AGMO: variants seen among roughly 807,000 people sequenced by gnomAD.
The protein encoded by AGMO is alkylglycerol monooxygenase.
AGMO carries 75 observed loss-of-function variants against 60.2 expected under a neutral mutation model. The ratio of observed to expected loss-of-function variants is 1.25; its 90% CI spans 1.03 to 1.51. The LOEUF (loss-of-function observed/expected upper bound fraction) is 1.51, where lower values mean the gene tolerates loss of function less well. AGMO is among the 40% of genes most tolerant of loss of function. The pLI, the probability that AGMO is intolerant of heterozygous loss-of-function variation, is 0.00. For missense variants in AGMO, 763 were observed against 525.5 expected (o/e 1.45, Z -4.42); for synonymous variants, 261 against 177.1 (o/e 1.47, Z -3.76).
At chr7:15,315,549 G>C (rs1780899134) in intron 12 of AGMO, among the ~76,000 whole-genome samples, 1 of 151,878 alleles carries the variant, frequency 6.6e-6, no homozygotes, top group African/African-American at 2.4e-5. Context: ...TGTTGGTCAG[G>C]ATGGTCTCGA....
intron 12 of AGMO, among the ~76,000 whole-genome samples, chr7:15,250,533 T>C (rs1380813872): frequency 7.0e-6 from 1 of 143,070 alleles, no homozygotes; most frequent in Non-Finnish European, 1.5e-5. Context: ...TAAATGGAAA[T>C]TGAAGTACAC....
chr7:15,308,773 G>A (rs972872699), intron 12 of AGMO, among the ~76,000 whole-genome samples: 1 of 151,982 alleles, frequency 6.6e-6, no homozygotes, highest in African/African-American at 2.4e-5. Flanking sequence ...AATTCTCAAA[G>A]GCCTTCACAT....
intron 4 of AGMO, among the ~76,000 whole-genome samples, chr7:15,430,630 T>TTA (rs1491405876): frequency 9.5e-6 from 1 of 104,778 alleles, no homozygotes; most frequent in East Asian, 2.5e-4. Flanking sequence ...TGGTTTTTTT[T>TTA]AAAAAAAAAA....
chr7:15,548,621 T>G (rs371887615), intron 2 of AGMO, among the ~76,000 whole-genome samples: 6,437 of 148,172 alleles, frequency 0.043, 198 homozygotes, highest in African/African-American at 0.093. Flanking sequence ...AGAGAAAAAA[T>G]AATAAAAAGA....
At chr7:15,560,301 T>A in intron 1 of AGMO, 30 bp from the exon 2 acceptor site, 1 of 1,594,294 alleles carries the variant, frequency 6.3e-7, no homozygotes, top group Non-Finnish European at 8.6e-7. Flanking sequence ...AAAGAGATGC[T>A]ATTATGTTCC....
At chr7:15,231,888 T>TA (rs1318175168) in intron 12 of AGMO, among the ~76,000 whole-genome samples, 1 of 152,074 alleles carries the variant, frequency 6.6e-6, no homozygotes, top group Non-Finnish European at 1.5e-5. Context: ...AATCTGACAA[T>TA]AAAAAATAAT....
chr7:15,505,499 T>C (rs970878087), intron 3 of AGMO, among the ~76,000 whole-genome samples: 5 of 152,048 alleles, frequency 3.3e-5, no homozygotes, highest in African/African-American at 1.2e-4. Flanking sequence ...GTTATTCCTA[T>C]ATCATTCTAA....
At chr7:15,354,359 T>TGTATACACACGC (rs1486435481) in intron 12 of AGMO, among the ~76,000 whole-genome samples, 3 of 59,506 alleles carry the variant, frequency 5.0e-5, no homozygotes, top group South Asian at 5.6e-4. Context: ...TATATAGACG[T>TGTATACACACGC]GTGTATATAG....
rs144754984 is a variant in AGMO, at chr7:15,560,195, C to T, written c.203G>A (p.Arg68His). 5.6e-5 allele frequency: 91 copies of T among 1,612,954 alleles called. No individual in the cohort carries two copies. Among genetic ancestry groups the T allele is most frequent in the Middle Eastern group, 3.3e-4 (2 of 6,078 alleles). ...SWILKGKPPG[R>H]LDDALTSISA... ...GATTGACGTTAAAGCATCATCCAGG[C>T]GACCTGGTGGCTTTCCTTTGAGAAT... The change falls in exon 2 of 13, where the codon CGC becomes CAC. Residue 68 changes from arginine (R) to histidine (H), a missense_variant. By Grantham distance (29) the Arg-to-His change is conservative. Coordinates refer to ENST00000342526, the MANE Select transcript of AGMO (RefSeq NM_001004320.2).
chr7:15,327,111 CCT>C (rs749763241), intron 12 of AGMO, among the ~76,000 whole-genome samples: 2 of 151,960 alleles, frequency 1.3e-5, no homozygotes, highest in Non-Finnish European at 2.9e-5. Flanking sequence ...AATGAGTGAC[CCT>C]CTGAGCTTAA....
chr7:15,451,538 A>G (rs1190415077), intron 3 of AGMO, among the ~76,000 whole-genome samples: 1 of 152,172 alleles, frequency 6.6e-6, no homozygotes, highest in African/African-American at 2.4e-5. Context: ...GTATTCTTAC[A>G]TGGTGGACGA....
At chr7:15,231,885 C>T (rs1250718238) in intron 12 of AGMO, among the ~76,000 whole-genome samples, 1 of 152,018 alleles carries the variant, frequency 6.6e-6, no homozygotes, top group Admixed American at 6.5e-5. Context: ...ACAAATCTGA[C>T]AATAAAAAAT....
intron 12 of AGMO, among the ~76,000 whole-genome samples, chr7:15,327,812 G>A (rs1781390772): frequency 6.9e-6 from 1 of 144,546 alleles, no homozygotes; most frequent in Admixed American, 7.2e-5. Flanking sequence ...CTAGAGGGCA[G>A]TGGCTATAGT....
intron 3 of AGMO, among the ~76,000 whole-genome samples, chr7:15,454,114 A>T (rs142226739): frequency 1.4e-3 from 215 of 151,380 alleles, no homozygotes; most frequent in African/African-American, 4.8e-3. Flanking sequence ...GCCACATACT[A>T]GGTATACATA....
chr7:15,348,148 A>G (rs1782102335), intron 12 of AGMO, among the ~76,000 whole-genome samples: 1 of 152,060 alleles, frequency 6.6e-6, no homozygotes, highest in South Asian at 2.1e-4. Context: ...CCCTATTGAC[A>G]TGTAATCCAA....
intron 3 of AGMO, among the ~76,000 whole-genome samples, chr7:15,477,197 T>A (rs1782618071): frequency 6.6e-6 from 1 of 151,972 alleles, no homozygotes; most frequent in Admixed American, 6.6e-5. Flanking sequence ...GAATTTTAAG[T>A]TAAAGGTATG....
chr7:15,383,622 A>G (rs1783784194), intron 10 of AGMO, among the ~76,000 whole-genome samples: 1 of 152,158 alleles, frequency 6.6e-6, no homozygotes, highest in South Asian at 2.1e-4. Context: ...GAAATTATTG[A>G]TAATCCTAGA....
rs1005052794 is a variant in AGMO at position 15,490,065 on chromosome 7, T to C, written c.409+54707A>G. 2.6e-5 allele frequency among the ~76,000 whole-genome samples: 4 copies of C among 152,316 alleles called. No individual in the cohort carries two copies. The South Asian group carries it at 6.2e-4, about 24-fold the overall frequency. On this transcript the variant is annotated intron_variant, in intron 3 of 12. Coordinates refer to ENST00000342526, the MANE Select transcript of AGMO (RefSeq NM_001004320.2). ...TTTAAGGAACTATATCAAAAAGATA[T>C]TATAACAAAATCTTGGTTCTTACTT...
Position 15,561,365 on chromosome 7 carries a change from G to T in AGMO, c.126+355C>A, listed in dbSNP as rs371522807. On this transcript the variant is annotated intron_variant, in intron 1 of 12. Coordinates refer to ENST00000342526, the MANE Select transcript of AGMO (RefSeq NM_001004320.2). ...CCCTGGAAGGGGTGGACAAGTGAAAGATTTAAAAATGAAATTGTTACAAAG... is the reference window on the plus strand; with the variant it reads ...CCCTGGAAGGGGTGGACAAGTGAAATATTTAAAAATGAAATTGTTACAAAG... Among the ~76,000 whole-genome samples, 3 of 152,274 alleles carry T rather than the reference G, an allele frequency of 2.0e-5. No homozygotes were observed. In the East Asian group the frequency reaches 5.8e-4, roughly 29 times the overall value.
Sources: allele counts gnomAD v4.1 joint callset (sites outside exome capture counted in the v4.1 genomes callset), GRCh38; gene constraint gnomAD v4.1.1; transcripts MANE v1.5; gene names NCBI Gene and HGNC (gene_info 2026-07-23, HGNC 2026-07-21).